The following ITGA6 variants were observed in gnomAD, a reference collection of about 807,000 sequenced individuals.
ITGA6 encodes the protein integrin subunit alpha 6, also known as integrin alpha-6.
ITGA6 carries 63 observed loss-of-function variants against 133.6 expected under a neutral mutation model. The observed-to-expected ratio is 0.47, with a 90% CI of 0.38 to 0.58. The LOEUF (loss-of-function observed/expected upper bound fraction) is 0.58, where lower values mean the gene tolerates loss of function less well. ITGA6 is among the 20% of genes least tolerant of loss of function. The pLI, the probability that ITGA6 is intolerant of heterozygous loss-of-function variation, is 0.00. For missense variants in ITGA6, 1,068 were observed against 1,309.4 expected (o/e 0.82, Z 2.85); for synonymous variants, 434 against 482.0 (o/e 0.90, Z 1.30).
chr2:172,435,723 G>T (rs533266588), intron 1 of ITGA6, among the ~76,000 whole-genome samples: 7 of 149,496 alleles, frequency 4.7e-5, no homozygotes, highest in African/African-American at 1.7e-4. Flanking sequence ...ACCTCCTTGG[G>T]CTTAGGCAAT....
intron 1 of ITGA6, among the ~76,000 whole-genome samples, chr2:172,444,447 C>G (rs1684667851): frequency 6.6e-6 from 1 of 152,120 alleles, no homozygotes; most frequent in Non-Finnish European, 1.5e-5. Context: ...CTGAAATGCT[C>G]CAAAGCTGGA....
chr2:172,475,246 T>C (rs1163272679), intron 7 of ITGA6, 124 bp downstream of exon 7: 3 of 726,632 alleles, frequency 4.1e-6, no homozygotes, highest in Middle Eastern at 3.8e-4. Context: ...GGTGGGCGGA[T>C]CACCTGAGGT....
intron 9 of ITGA6, among the ~76,000 whole-genome samples, chr2:172,477,591 T>G (rs1686231642): frequency 6.6e-6 from 1 of 152,208 alleles, no homozygotes; most frequent in Non-Finnish European, 1.5e-5. Flanking sequence ...TTTAGTCAGT[T>G]AAATGTTTGC....
intron 5 of ITGA6, among the ~76,000 whole-genome samples, 182 bp from the exon 6 acceptor site, chr2:172,473,873 G>A (rs1030421827): frequency 1.3e-5 from 2 of 152,126 alleles, no homozygotes; most frequent in South Asian, 2.1e-4. Flanking sequence ...CTAGCCCCAG[G>A]ACTTTGTCCT....
chr2:172,428,378 G>C (rs888727067), intron 1 of ITGA6: 1 of 152,754 alleles, frequency 6.5e-6, no homozygotes, highest in Non-Finnish European at 1.5e-5. Context: ...GGTTTGCAGG[G>C]AGCGTAGTTC....
At chr2:172,444,714 C>G (rs1684684569) in intron 1 of ITGA6, among the ~76,000 whole-genome samples, 1 of 146,142 alleles carries the variant, frequency 6.8e-6, no homozygotes, top group Non-Finnish European at 1.5e-5. Flanking sequence ...TTCTCTACTT[C>G]CCTGGCCAGT....
At position 172,475,039 on chromosome 2, in the gene ITGA6, C is replaced by G; in HGVS notation, c.1097C>G (p.Pro366Arg). 6.2e-7 allele frequency: 1 copy of G among 1,606,960 alleles called. No homozygotes were observed. The highest frequency in any genetic ancestry group is 1.1e-5 in the South Asian group (1 of 90,952). ...NQQGRWNNVK[P>R]IRLNGTKDSM... ...CAAGGCAGATGGAATAATGTGAAGC[C>G]AATTCGTCTTAATGGAACCAAAGAT... The change falls in exon 7 of 26, where the codon CCA becomes CGA. Residue 366 changes from proline (P) to arginine (R), a missense_variant. This residue lies in a region of ITGA6 where 317 missense variants were observed against 456.9 expected (regional missense o/e 0.69). Coordinates refer to ENST00000684293, the MANE Select transcript of ITGA6 (RefSeq NM_000210.4).
chr2:172,499,958 A>C (rs1687282115), intron 24 of ITGA6, among the ~76,000 whole-genome samples: 1 of 152,092 alleles, frequency 6.6e-6, no homozygotes, highest in Admixed American at 6.5e-5. Context: ...GAAGCTCTGA[A>C]GTGTCCAGGC....
intron 24 of ITGA6, 114 bp from the exon 25 acceptor site, chr2:172,501,658 G>A (rs2149104432): frequency 6.5e-6 from 6 of 929,970 alleles, no homozygotes; most frequent in South Asian, 5.4e-5. Context: ...GACTGAAAGT[G>A]GTCTGTTTGT....
intron 1 of ITGA6, chr2:172,428,692 T>C (rs1343678618): frequency 2.0e-5 from 3 of 152,050 alleles, no homozygotes; most frequent in Non-Finnish European, 4.4e-5. Context: ...GGCTCCTGCG[T>C]TGGGCGGGCA....
In ITGA6 at chr2:172,484,816, A is replaced by C. The variant is rs768547615; in HGVS notation, c.1584A>C (p.Arg528Ser). 1 of 1,614,068 alleles carries C rather than the reference A, an allele frequency of 6.2e-7. No homozygotes were observed. The highest frequency in any genetic ancestry group is 8.5e-7 in the Non-Finnish European group (1 of 1,180,004). The stretch of plus-strand genomic sequence containing the variant: ...GCACACTTGAAGCTGAAAAAGAAAG[A>C]AGAAAATCTGGGCTATCCTCAAGAG... Reference protein sequence around the residue: ...IVGTLEAEKERRKSGLSSRVQ... With the variant: ...IVGTLEAEKESRKSGLSSRVQ... Residue 528 changes from arginine to serine, a missense_variant, in exon 12 of 26, where the codon AGA becomes AGC. Transcript: ENST00000684293.
At chr2:172,439,608 T>C (rs1164675434) in intron 1 of ITGA6, among the ~76,000 whole-genome samples, 4 of 151,780 alleles carry the variant, frequency 2.6e-5, no homozygotes, top group Non-Finnish European at 5.9e-5. Context: ...AACACAAGTC[T>C]TCGAAGACAT....
chr2:172,487,422 A>C lies in ITGA6; in HGVS notation c.2129A>C (p.Tyr710Ser). 1 of 1,614,146 alleles carries C rather than the reference A, an allele frequency of 6.2e-7. No individual in the cohort carries two copies. The highest frequency in any genetic ancestry group is 8.5e-7 in the Non-Finnish European group (1 of 1,179,970). ...LIATFPDTLT[Y>S]SAYRELRAFP... The stretch of plus-strand genomic sequence containing the variant: ...GCAACGTTTCCAGACACTTTAACCT[A>C]TTCTGCATATAGAGAACTGAGGGCT... The change falls in exon 15 of 26, where the codon TAT (tyrosine) becomes TCT (serine). Residue 710 changes from tyrosine to serine, a missense_variant. Coordinates refer to ENST00000684293, the MANE Select transcript of ITGA6 (RefSeq NM_000210.4).
At position 172,485,109 on chromosome 2, in the gene ITGA6, C is replaced by A. The variant is rs1474528322; in HGVS notation, c.1711-12C>A. 6.2e-7 allele frequency: 1 copy of A among 1,612,846 alleles called. No homozygotes were observed. On this transcript the variant is annotated splice_polypyrimidine_tract_variant and intron_variant, in intron 12 of 25. Transcript: ENST00000684293. ...CACCCCACTTAACTCTGACTGCATG[C>A]TTTTCATGCAGGATAATATCAGAGA...
At position 172,460,705 on chromosome 2, in the gene ITGA6, A is replaced by G. The variant is rs191730363; in HGVS notation, c.183-4834A>G. 5.3e-5 allele frequency among the ~76,000 whole-genome samples: 8 copies of G among 152,354 alleles called. No individual in the cohort carries two copies. In the East Asian group the frequency reaches 1.5e-3, roughly 29 times the overall value. Reference sequence around the variant, plus strand: ...TGTACTTATTACTTTAGCAAAAATTAAATTCTGAGTTTGAAAATGGGTTAA... The same window carrying G: ...TGTACTTATTACTTTAGCAAAAATTGAATTCTGAGTTTGAAAATGGGTTAA... On this transcript the variant is annotated intron_variant, in intron 1 of 25. Coordinates refer to ENST00000684293, the MANE Select transcript of ITGA6 (RefSeq NM_000210.4).
At chr2:172,468,996 C>A in intron 3 of ITGA6, 129 bp from the exon 4 acceptor site, 1 of 1,008,638 alleles carries the variant, frequency 9.9e-7, no homozygotes, top group Non-Finnish European at 1.5e-6. Flanking sequence ...GGATCCGGTC[C>A]CAAGATGAGG....
At chr2:172,493,414 G>GA (rs776329584) in intron 23 of ITGA6, among the ~76,000 whole-genome samples, 2 of 152,130 alleles carry the variant, frequency 1.3e-5, no homozygotes, top group Non-Finnish European at 2.9e-5. Flanking sequence ...CAGCAACTCT[G>GA]AAAATCACTG....
In ITGA6 at chr2:172,437,409, C is replaced by T. The variant is rs548283225; in HGVS notation, c.182+9439C>T. 4.6e-5 allele frequency among the ~76,000 whole-genome samples: 7 copies of T among 152,280 alleles called. No homozygotes were observed. In the South Asian group the frequency reaches 1.4e-3, roughly 32 times the overall value. ...GGATATGTCTTGAAAGTAGAGTCAA[C>T]AGGATTTCCTGGGGACTAGGTATCA... On this transcript the variant is annotated intron_variant, in intron 1 of 25. Coordinates refer to ENST00000684293, the MANE Select transcript of ITGA6 (RefSeq NM_000210.4).
At chr2:172,503,044 G>C (rs1687409235) in intron 25 of ITGA6, among the ~76,000 whole-genome samples, 1 of 151,152 alleles carries the variant, frequency 6.6e-6, no homozygotes, top group African/African-American at 2.4e-5. Context: ...TTTGCCTATT[G>C]ATTTAGTGAT....
Sources: allele counts gnomAD v4.1 joint callset (sites outside exome capture counted in the v4.1 genomes callset), GRCh38; gene constraint gnomAD v4.1.1; regional missense constraint gnomAD v4.1.1; transcripts MANE v1.5; gene names NCBI Gene and HGNC (gene_info 2026-07-23, HGNC 2026-07-21).